The following NCOA1 variants were observed in gnomAD, a reference collection of about 807,000 sequenced individuals.
The protein encoded by NCOA1 is nuclear receptor coactivator 1.
A neutral mutation model predicts 150.9 loss-of-function variants in NCOA1; 35 were observed. The observed-to-expected ratio is 0.23, with a 90% confidence interval of 0.18 to 0.31. The LOEUF (loss-of-function observed/expected upper bound fraction) is 0.31, where lower values mean the gene tolerates loss of function less well. NCOA1 is among the 10% of genes least tolerant of loss of function. The pLI is 1.00. For missense variants in NCOA1, 1,491 were observed against 1,749.3 expected (o/e 0.85, Z 2.63); for synonymous variants, 590 against 630.0 (o/e 0.94, Z 0.95).
chr2:24,728,564 ACT>A, intron 16 of NCOA1, 88 bp downstream of exon 16: 2 of 1,121,502 alleles, frequency 1.8e-6, no homozygotes, highest in Non-Finnish European at 2.4e-6. Flanking sequence ...TATTGTACCC[ACT>A]ATGCTTTAGC....
chr2:24,526,727 T>A (rs1012914114), intron 1 of NCOA1, among the ~76,000 whole-genome samples: 2 of 142,262 alleles, frequency 1.4e-5, no homozygotes, highest in South Asian at 2.2e-4. Flanking sequence ...AAAAAAAAAA[T>A]TAATAAATTC....
intron 3 of NCOA1, among the ~76,000 whole-genome samples, chr2:24,610,451 A>G (rs755547623): frequency 6.6e-6 from 1 of 151,828 alleles, no homozygotes; most frequent in Non-Finnish European, 1.5e-5. Context: ...TTTACGCTGC[A>G]TTCTGAATTG....
At chr2:24,692,968 C>A (rs1042843177) in intron 9 of NCOA1, among the ~76,000 whole-genome samples, 1 of 152,214 alleles carries the variant, frequency 6.6e-6, no homozygotes, top group Non-Finnish European at 1.5e-5. Flanking sequence ...TCACGCCATT[C>A]TCCTGCCTCA....
At chr2:24,580,920 T>C (rs1466762883) in intron 2 of NCOA1, among the ~76,000 whole-genome samples, 1 of 152,224 alleles carries the variant, frequency 6.6e-6, no homozygotes, top group African/African-American at 2.4e-5. Flanking sequence ...TGTTCTGATT[T>C]AGTTGGCTTT....
At chr2:24,499,077 A>C (rs1351505736) in intron 1 of NCOA1, among the ~76,000 whole-genome samples, 1 of 152,158 alleles carries the variant, frequency 6.6e-6, no homozygotes, top group Non-Finnish European at 1.5e-5. Flanking sequence ...TGAGATATGC[A>C]TATTGCATGA....
chr2:24,543,950 G>A (rs1450201354), intron 1 of NCOA1, among the ~76,000 whole-genome samples: 1 of 152,138 alleles, frequency 6.6e-6, no homozygotes, highest in Non-Finnish European at 1.5e-5. Flanking sequence ...AAAATTAAAG[G>A]TAGGGAGATC....
chr2:24,733,913 G>A (rs1293776411), intron 17 of NCOA1, among the ~76,000 whole-genome samples: 1 of 150,472 alleles, frequency 6.6e-6, no homozygotes, highest in Non-Finnish European at 1.5e-5. Flanking sequence ...GGCCAGGCAC[G>A]GTGGCTCACG....
chr2:24,728,040 G>C (rs1220726033), intron 15 of NCOA1, among the ~76,000 whole-genome samples: 1 of 151,922 alleles, frequency 6.6e-6, no homozygotes, highest in Non-Finnish European at 1.5e-5. Context: ...TAACTGTTTG[G>C]TTAATTTTCC....
chr2:24,737,390 A>T (rs1663368720), intron 17 of NCOA1, among the ~76,000 whole-genome samples: 1 of 152,216 alleles, frequency 6.6e-6, no homozygotes, highest in African/African-American at 2.4e-5. Flanking sequence ...AAGTACTTGT[A>T]GATTTATGCT....
intron 1 of NCOA1, among the ~76,000 whole-genome samples, chr2:24,505,825 T>C (rs1663669519): frequency 6.6e-6 from 1 of 152,166 alleles, no homozygotes; most frequent in Admixed American, 6.6e-5. Context: ...GAAAAACATA[T>C]TGGATGAAGG....
intron 2 of NCOA1, among the ~76,000 whole-genome samples, chr2:24,581,736 A>C (rs1161384595): frequency 6.6e-6 from 1 of 152,180 alleles, no homozygotes; most frequent in African/African-American, 2.4e-5. Context: ...AGCAAACTGA[A>C]TCCAACAGCA....
At position 24,572,585 on chromosome 2, in the gene NCOA1, T is replaced by G. The variant is rs375694313; in HGVS notation, c.-260+8155T>G. On this transcript the variant is annotated intron_variant, in intron 2 of 22. Coordinates refer to ENST00000348332, the MANE Select transcript of NCOA1 (RefSeq NM_003743.5). ...TTACAGATAACTTTTTCGTGAAGATTGTGGAAGGTGACTCTGAAGACCTGG... is the reference window on the plus strand; with the variant it reads ...TTACAGATAACTTTTTCGTGAAGATGGTGGAAGGTGACTCTGAAGACCTGG... 7.9e-5 allele frequency among the ~76,000 whole-genome samples: 12 copies of G among 152,308 alleles called. No individual in the cohort carries two copies. In the South Asian group the frequency reaches 8.3e-4, roughly 11 times the overall value.
chr2:24,656,975 T>C (rs1227258722), intron 4 of NCOA1, among the ~76,000 whole-genome samples: 1 of 152,238 alleles, frequency 6.6e-6, no homozygotes, highest in Non-Finnish European at 1.5e-5. Context: ...CCTTTGGACA[T>C]ATGCATATTT....
chr2:24,541,989 AT>A (rs1665418661), intron 1 of NCOA1, among the ~76,000 whole-genome samples: 1 of 152,238 alleles, frequency 6.6e-6, no homozygotes, highest in South Asian at 2.1e-4. Context: ...AAAATCATTA[AT>A]ATTGAACTAA....
rs550741982 is a variant in NCOA1, at chr2:24,585,185, AGATAATTGCAT to A, written c.-175+626_-175+636del. On this transcript the variant is annotated intron_variant, in intron 3 of 22. Transcript: ENST00000348332. Reference sequence around the variant, plus strand: ...CCTAGTGTTTGCTAAATTGGCATGTAGATAATTGCATTTCATTTTAATTTGTTTCTTTGTTG... The same window carrying A: ...CCTAGTGTTTGCTAAATTGGCATGTATTCATTTTAATTTGTTTCTTTGTTG... Among the ~76,000 whole-genome samples, 183 of 152,322 alleles carry A rather than the reference AGATAATTGCAT, an allele frequency of 1.2e-3. 3 individuals are homozygous for A. In the South Asian group the frequency reaches 0.016, roughly 13 times the overall value.
intron 17 of NCOA1, 113 bp from the exon 18 acceptor site, chr2:24,739,318 CA>C: frequency 2.7e-6 from 2 of 727,670 alleles, no homozygotes; most frequent in Admixed American, 2.4e-5. Flanking sequence ...ATAATCTAAC[CA>C]AACCTGCAAC....
At chr2:24,546,532 A>C (rs568379510) in intron 1 of NCOA1, among the ~76,000 whole-genome samples, 22 of 152,352 alleles carry the variant, frequency 1.4e-4, no homozygotes, top group African/African-American at 5.3e-4. Flanking sequence ...AAGATAGAAA[A>C]ATTACATGTT....
chr2:24,706,444 G>A, intron 12 of NCOA1, 124 bp from the exon 13 acceptor site: 1 of 1,109,258 alleles, frequency 9.0e-7, no homozygotes, highest in Non-Finnish European at 1.2e-6. Flanking sequence ...TGGTACAGAA[G>A]CTCTTTACTT....
At chr2:24,767,281 CA>C (rs1341507712) in intron 22 of NCOA1, among the ~76,000 whole-genome samples, 2 of 152,246 alleles carry the variant, frequency 1.3e-5, no homozygotes, top group African/African-American at 4.8e-5. Context: ...ACCTATCAAA[CA>C]GGAGACACAA....
Sources: gnomAD v4.1 joint callset for allele counts (sites outside exome capture counted in the v4.1 genomes callset) on GRCh38, gnomAD v4.1.1 for gene constraint, MANE v1.5 for transcripts, NCBI Gene and HGNC (gene_info 2026-07-23, HGNC 2026-07-21) for gene names.